The following VIRMA variants were observed in gnomAD, a reference collection of about 807,000 sequenced individuals.
VIRMA encodes vir like m6A methyltransferase associated, also known as protein virilizer homolog.
Under a neutral mutation model 182.4 loss-of-function variants are expected in VIRMA, and 65 were observed. The ratio of observed to expected loss-of-function variants is 0.36; its 90% CI spans 0.29 to 0.44. The LOEUF is 0.44. Ranked by LOEUF, VIRMA falls within the 20% of genes least tolerant of loss-of-function variation. VIRMA has a pLI of 1.00. For synonymous variants in VIRMA, 709 were observed against 743.1 expected (o/e 0.95, Z 0.75); for missense variants, 1,752 against 2,158.1 (o/e 0.81, Z 3.73).
intron 18 of VIRMA, 161 bp downstream of exon 18, chr8:94,496,167 G>A (rs1002538196): frequency 5.9e-6 from 4 of 674,826 alleles, no homozygotes; most frequent in East Asian, 2.8e-5. Flanking sequence ...TAACAGGATG[G>A]AGGACTTCAC....
At chr8:94,509,512 C>T (rs975023585) in intron 15 of VIRMA, among the ~76,000 whole-genome samples, 176 bp downstream of exon 15, 2 of 151,848 alleles carry the variant, frequency 1.3e-5, no homozygotes, top group East Asian at 1.9e-4. Flanking sequence ...AGGTTATGAT[C>T]TTATAAAGGA....
rs1354423671 is a variant in VIRMA at position 94,519,327 on chromosome 8, T to G, written c.2171A>C (p.Glu724Ala). The G allele has an allele frequency of 3.1e-6, 5 of 1,608,710 alleles. No individual in the cohort carries two copies. The highest frequency in any genetic ancestry group is 4.2e-6 in the Non-Finnish European group (5 of 1,178,730). ...SQKGLLFFMS[E>A]YEATNLLIRA... ...GATCAATAAATTTGTTGCTTCATAT[T>G]CCGACATAAAAAAAAGAAGACCCTT... The change falls in exon 9 of 24, where the codon GAA becomes GCA. Residue 724 changes from glutamate (E) to alanine (A), a missense_variant. Physicochemically the swap from Glu to Ala is moderately radical, Grantham distance 107 (BLOSUM62 -1). Around this residue, in one of 11 missense-constraint regions of VIRMA, gnomAD observed 401 missense variants for 455.1 expected, o/e 0.88. Transcript: ENST00000297591.
In VIRMA at chr8:94,529,224, C is replaced by G; in HGVS notation, c.726G>C (p.Glu242Asp). Residue 242 changes from glutamate to aspartate, a missense_variant, in exon 7 of 24, where the codon GAG becomes GAC. Transcript: ENST00000297591. ...GQYSDEGEVEEEQQEEGEEDE... is the reference protein window; with the variant it reads ...GQYSDEGEVEDEQQEEGEEDE... ...CTTCTTCTCCTTCTTCTTGTTGTTC[C>G]TCTTCTACTTCTCCTTCATCAGAAT... 6.4e-7 allele frequency: 1 copy of G among 1,565,484 alleles called. No homozygotes were observed. Among genetic ancestry groups the G allele is most frequent in the South Asian group, 1.1e-5 (1 of 90,080 alleles).
chr8:94,503,915 G>A (rs1814071422), intron 16 of VIRMA, among the ~76,000 whole-genome samples: 1 of 152,046 alleles, frequency 6.6e-6, no homozygotes, highest in African/African-American at 2.4e-5. Context: ...GCTCACATCT[G>A]TAATTCCAAC....
At chr8:94,490,226 A>C (rs565594749) in intron 22 of VIRMA, 144 bp from the exon 23 acceptor site, 131 of 865,378 alleles carry the variant, frequency 1.5e-4, no homozygotes, top group Non-Finnish European at 2.2e-4. Flanking sequence ...TGGCAACATC[A>C]CAGTGGTTAA....
intron 22 of VIRMA, 88 bp downstream of exon 22, chr8:94,491,490 C>G: frequency 8.0e-7 from 1 of 1,245,600 alleles, no homozygotes; most frequent in Non-Finnish European, 1.1e-6. Context: ...AACTGTTTAT[C>G]TGAATCTCTT....
At chr8:94,549,130 T>C (rs1054516293) in intron 1 of VIRMA, among the ~76,000 whole-genome samples, 1 of 152,242 alleles carries the variant, frequency 6.6e-6, no homozygotes, top group African/African-American at 2.4e-5. Context: ...AATCAAATTG[T>C]CTTTTAATAA....
At chr8:94,550,581 G>A (rs1331443522) in intron 1 of VIRMA, among the ~76,000 whole-genome samples, 2 of 151,686 alleles carry the variant, frequency 1.3e-5, no homozygotes, top group African/African-American at 4.8e-5. Context: ...CATGAGCCAC[G>A]GCGCCTGGCC....
chr8:94,547,144 T>C (rs1815800083), intron 1 of VIRMA: 12 of 384,538 alleles, frequency 3.1e-5, no homozygotes, highest in South Asian at 2.2e-4. Flanking sequence ...CATTAGACTA[T>C]GTGTTTAAAG....
At chr8:94,494,268 CAG>C (rs924197554) in intron 20 of VIRMA, among the ~76,000 whole-genome samples, 1 of 151,866 alleles carries the variant, frequency 6.6e-6, no homozygotes, top group African/African-American at 2.4e-5. Flanking sequence ...GCCTGGGTAA[CAG>C]AGTGAGACTT....
chr8:94,528,904 G>C (rs535730309), intron 7 of VIRMA, among the ~76,000 whole-genome samples, 166 bp downstream of exon 7: 2 of 152,234 alleles, frequency 1.3e-5, no homozygotes, highest in Non-Finnish European at 2.9e-5. Flanking sequence ...AAGCAGAGGA[G>C]AGATGGAAAT....
At chr8:94,499,669 AC>A (rs1228204858) in intron 16 of VIRMA, among the ~76,000 whole-genome samples, 163 bp from the exon 17 acceptor site, 1 of 152,202 alleles carries the variant, frequency 6.6e-6, no homozygotes, top group African/African-American at 2.4e-5. Context: ...ATAACAAAGA[AC>A]CGTCAATAGT....
intron 9 of VIRMA, 74 bp from the exon 10 acceptor site, chr8:94,518,016 C>A: frequency 8.6e-7 from 1 of 1,162,914 alleles, no homozygotes. Context: ...AAATTTTCTT[C>A]TACTTGGCTT....
chr8:94,549,430 G>C (rs1481050961), intron 1 of VIRMA, among the ~76,000 whole-genome samples: 1 of 152,188 alleles, frequency 6.6e-6, no homozygotes, highest in Non-Finnish European at 1.5e-5. Flanking sequence ...TTGTTAAACA[G>C]ATTCTCAACT....
At chr8:94,515,396 G>A (rs111923482) in intron 10 of VIRMA, among the ~76,000 whole-genome samples, 22,751 of 151,860 alleles carry the variant, frequency 0.15, 2,094 homozygotes, top group South Asian at 0.3. Flanking sequence ...CTTTAAACAA[G>A]TTTTTCATTC....
intron 1 of VIRMA, among the ~76,000 whole-genome samples, chr8:94,550,498 T>TA (rs1041059784): frequency 6.6e-6 from 1 of 152,094 alleles, no homozygotes; most frequent in Non-Finnish European, 1.5e-5. Flanking sequence ...TTCACCATGT[T>TA]AGCCAGGATG....
At chr8:94,533,485 A>C (rs1421078690) in intron 5 of VIRMA, 1 of 152,356 alleles carries the variant, frequency 6.6e-6, no homozygotes, top group Non-Finnish European at 1.5e-5. Context: ...TCTGTTGCCT[A>C]GGCTGGAGTG....
chr8:94,540,234 T>C (rs1352541414), intron 2 of VIRMA, among the ~76,000 whole-genome samples: 2 of 152,162 alleles, frequency 1.3e-5, no homozygotes, highest in African/African-American at 2.4e-5. Flanking sequence ...AATATATTTA[T>C]ACTATAGTCA....
intron 21 of VIRMA, among the ~76,000 whole-genome samples, 194 bp downstream of exon 21, chr8:94,492,458 T>TTTTTTTA (rs1563676565): frequency 6.7e-6 from 1 of 149,424 alleles, no homozygotes; most frequent in African/African-American, 2.6e-5. Context: ...TAATTTTTTT[T>TTTTTTTA]TTTTTATTTT....
Sources: allele counts gnomAD v4.1 joint callset (sites outside exome capture counted in the v4.1 genomes callset), GRCh38; gene constraint gnomAD v4.1.1; regional missense constraint gnomAD v4.1.1; transcripts MANE v1.5; gene names NCBI Gene and HGNC (gene_info 2026-07-23, HGNC 2026-07-21).